The following SUN2 variants were observed in gnomAD, a reference collection of about 807,000 sequenced individuals.
The protein encoded by SUN2 is SUN domain-containing protein 2.
SUN2 carries 60 observed loss-of-function variants against 100.0 expected under a neutral mutation model. The ratio of observed to expected loss-of-function variants is 0.60; its 90% CI spans 0.49 to 0.74. The LOEUF is 0.74. Ranked by LOEUF, SUN2 falls within the 30% of genes least tolerant of loss-of-function variation. SUN2 has a pLI of 0.00. For synonymous variants in SUN2, 367 were observed against 403.3 expected (o/e 0.91, Z 1.08); for missense variants, 834 against 954.6 (o/e 0.87, Z 1.66).
Position 38,751,265 on chromosome 22 carries a change from C to T in SUN2, c.231G>A (p.Glu77=), listed in dbSNP as rs760297349. The change falls in exon 3 of 18, where the codon GAG becomes GAA. Residue 77 remains glutamate, a synonymous_variant. Coordinates refer to ENST00000689035, the MANE Select transcript of SUN2 (RefSeq NM_015374.3). The part of the protein sequence containing the change: ...TSYYSESLVH[E]SWFPPRSSLE... ...GGGAGCTCCTGGGTGGGAACCAGGA[C>T]TCGTGGACCAGCGACTCACTGTAGT... 5.6e-6 allele frequency: 9 copies of T among 1,614,002 alleles called. No homozygotes were observed. The African/African-American group carries it at 6.7e-5, about 12-fold the overall frequency.
At position 38,741,008 on chromosome 22, in the gene SUN2, T is replaced by G; in HGVS notation, c.1189A>C (p.Ser397Arg). 1 of 1,593,986 alleles carries G rather than the reference T, an allele frequency of 6.3e-7. No individual in the cohort carries two copies. The highest frequency in any genetic ancestry group is 8.5e-7 in the Non-Finnish European group (1 of 1,170,278). ...RIQQLKSEWQ[S>R]MTQESFQESS... ...AGGCCAGCTGGTGGCGCCCAGTACCTTTGCCACTCTGACTTCAGCTGCTGG... is the reference window on the plus strand; with the variant it reads ...AGGCCAGCTGGTGGCGCCCAGTACCGTTGCCACTCTGACTTCAGCTGCTGG... Residue 397 changes from serine (S) to arginine (R), a missense_variant and splice_region_variant, in exon 11 of 18, where the codon AGC becomes CGC. Physicochemically the swap from Ser to Arg is moderately radical, Grantham distance 110. Around this residue, in one of 3 missense-constraint regions of SUN2, gnomAD observed 559 missense variants for 597.7 expected, o/e 0.94. Coordinates refer to ENST00000689035, the MANE Select transcript of SUN2 (RefSeq NM_015374.3).
At position 38,737,138 on chromosome 22, in the gene SUN2, C is replaced by T. The variant is rs929951512; in HGVS notation, c.2041-758G>A. ...CTGGAATTACAGACATGAGCCACCT[C>T]GTCTGGCCTCTATACTTTCCTAAAG... On this transcript the variant is annotated intron_variant, in intron 17 of 17. Transcript: ENST00000689035. This position sits in a 1 kb window ranked among gnomAD's most constrained non-coding sequence, Gnocchi z 4.1. Among the ~76,000 whole-genome samples, 1 of 152,210 alleles carries T rather than the reference C, an allele frequency of 6.6e-6. No homozygotes were observed. The highest frequency in any genetic ancestry group is 6.5e-5 in the Admixed American group (1 of 15,280).
At chr22:38,751,529 T>C in intron 2 of SUN2, 156 bp from the exon 3 acceptor site, 1 of 701,226 alleles carries the variant, frequency 1.4e-6, no homozygotes, top group South Asian at 1.8e-5. Context: ...ACTCTCCCAA[T>C]GCTGGCACGT....
rs2092832434 is a variant in SUN2 at position 38,739,110 on chromosome 22, C to T, written c.1664-122G>A. 9.5e-7 allele frequency: 1 copy of T among 1,053,432 alleles called. No homozygotes were observed. Among genetic ancestry groups the T allele is most frequent in the Non-Finnish European group, 1.4e-6 (1 of 702,836 alleles). The allele number at this position is 1,053,432 out of a possible 1,614,324, so 65.3% of individuals were successfully genotyped here. A position where few individuals can be genotyped will look rare whatever the true frequency, so the allele number is the denominator to read the frequency against. On this transcript the variant is annotated intron_variant, in intron 14 of 17. Transcript: ENST00000689035. This position sits in a 1 kb window ranked among gnomAD's most constrained non-coding sequence, Gnocchi z 6.7. ...CCCCAGGCCTAGCCTTTAACCCTAA[C>T]CGAGATGCTCAGAGCAGCTTTAAAG...
At position 38,740,317 on chromosome 22, in the gene SUN2, C is replaced by A; in HGVS notation, c.1306G>T (p.Ala436Ser). ...AALALKQSSV[A>S]EEVGLLPQQI... The stretch of plus-strand genomic sequence containing the variant: ...TGGGGCAGCAGGCCCACTTCTTCCG[C>A]CACCGAGCTCTGCTTCAGTGCCAGA... The change falls in exon 12 of 18, where the codon GCG becomes TCG. Residue 436 changes from alanine (A) to serine (S), a missense_variant. Transcript: ENST00000689035. The surrounding 1 kb of genome is among the most constrained non-coding windows in gnomAD (Gnocchi z 4.8). 2 of 1,603,706 alleles carry A rather than the reference C, an allele frequency of 1.2e-6. No individual in the cohort carries two copies. The highest frequency in any genetic ancestry group is 8.5e-7 in the Non-Finnish European group (1 of 1,176,030).
chr22:38,751,457 C>T, intron 2 of SUN2, 84 bp from the exon 3 acceptor site: 1 of 1,514,944 alleles, frequency 6.6e-7, no homozygotes, highest in Non-Finnish European at 9.0e-7. Context: ...AGCCTGCGGC[C>T]CTGCCTAGTG....
In SUN2 at chr22:38,755,593, G is replaced by C. The variant is rs1302053009; in HGVS notation, c.-38+170C>G. ...GCAGGCGGGGCGGGGGCCAGGAGGT[G>C]AGTCAGGGCGCGGGCCGCGGACCCG... On this transcript the variant is annotated intron_variant, in intron 1 of 17. Transcript: ENST00000689035. This position sits in a 1 kb window ranked among gnomAD's most constrained non-coding sequence, Gnocchi z 5.7. 41 of 938,536 alleles carry C rather than the reference G, an allele frequency of 4.4e-5. No individual in the cohort carries two copies. The highest frequency in any genetic ancestry group is 5.0e-5 in the Non-Finnish European group (39 of 787,056). 58.1% of individuals were successfully genotyped at this position (938,536 alleles called of 1,614,324 possible).
rs1353077332 is a variant in SUN2 at position 38,735,317 on chromosome 22, TGTG to T, written c.*947_*949del. On this transcript the variant is annotated 3_prime_UTR_variant, in exon 18 of 18. Coordinates refer to ENST00000689035, the MANE Select transcript of SUN2 (RefSeq NM_015374.3). ...ACCCCTACATCAGGGCCTGGTTAGA[TGTG>T]GGGGCCGGTGCAGACAGACCTCGCA... 1.6e-5 allele frequency: 7 copies of T among 443,972 alleles called. No individual in the cohort carries two copies. Among genetic ancestry groups the T allele is most frequent in the Admixed American group, 1.5e-4 (6 of 39,410 alleles). The allele number at this position is 443,972 out of a possible 1,614,324, so 27.5% of individuals were successfully genotyped here.
Position 38,755,755 on chromosome 22 carries a change from G to T in SUN2, c.-38+8C>A, listed in dbSNP as rs910073660. The stretch of plus-strand genomic sequence containing the variant: ...CCCCAACCCTCTCCTGAGCTCGCCC[G>T]CACTCACCTGCTGCCGCGGCGGCTT... On this transcript the variant is annotated splice_region_variant and intron_variant, in intron 1 of 17. Transcript: ENST00000689035. The surrounding 1 kb of genome is among the most constrained non-coding windows in gnomAD (Gnocchi z 5.7). The T allele has an allele frequency of 1.0e-5, 10 of 984,774 alleles. No individual in the cohort carries two copies. Among genetic ancestry groups the T allele is most frequent in the Non-Finnish European group, 1.1e-5 (9 of 829,748 alleles). The allele number at this position is 984,774 out of a possible 1,614,324, so 61.0% of individuals were successfully genotyped here. A position where few individuals can be genotyped will look rare whatever the true frequency, so the allele number is the denominator to read the frequency against.
chr22:38,735,481 C>G lies in SUN2; in HGVS notation c.*786G>C, dbSNP rs1346460385. The stretch of plus-strand genomic sequence containing the variant: ...CCTGGGAGAATGTGGAAAGCAAGCT[C>G]AGGGGCACTGGCAGGCCCTAGCAGG... On this transcript the variant is annotated 3_prime_UTR_variant, in exon 18 of 18. Coordinates refer to ENST00000689035, the MANE Select transcript of SUN2 (RefSeq NM_015374.3). 1 of 294,418 alleles carries G rather than the reference C, an allele frequency of 3.4e-6. No individual in the cohort carries two copies. The highest frequency in any genetic ancestry group is 6.7e-6 in the Non-Finnish European group (1 of 148,580). 18.2% of individuals were successfully genotyped at this position (294,418 alleles called of 1,614,324 possible). A position where few individuals can be genotyped will look rare whatever the true frequency, so the allele number is the denominator to read the frequency against.
chr22:38,751,832 G>T (rs898592724), intron 2 of SUN2, among the ~76,000 whole-genome samples: 30 of 152,322 alleles, frequency 2.0e-4, no homozygotes, highest in Non-Finnish European at 2.9e-5. Flanking sequence ...ACATGCAGGC[G>T]TGGGGCCAGG....
In SUN2 at chr22:38,755,635, G is replaced by A; in HGVS notation, c.-38+128C>T. On this transcript the variant is annotated intron_variant, in intron 1 of 17. Coordinates refer to ENST00000689035, the MANE Select transcript of SUN2 (RefSeq NM_015374.3). This position sits in a 1 kb window ranked among gnomAD's most constrained non-coding sequence, Gnocchi z 5.7. ...GCGGACCCGGGTGGAGGCTGGATCC[G>A]GCCCAGCACGTCCCGGAGAGGAGGA... 1 of 955,636 alleles carries A rather than the reference G, an allele frequency of 1.0e-6. No homozygotes were observed. Among genetic ancestry groups the A allele is most frequent in the Non-Finnish European group, 1.2e-6 (1 of 802,596 alleles). 59.2% of individuals were successfully genotyped at this position (955,636 alleles called of 1,614,324 possible).
chr22:38,737,627 C>T lies in SUN2; in HGVS notation c.2040+546G>A. On this transcript the variant is annotated intron_variant, in intron 17 of 17. Coordinates refer to ENST00000689035, the MANE Select transcript of SUN2 (RefSeq NM_015374.3). This position sits in a 1 kb window ranked among gnomAD's most constrained non-coding sequence, Gnocchi z 4.1. The stretch of plus-strand genomic sequence containing the variant: ...CGTCCACCTCCCACTATCCCGCCAA[C>T]CCAATTCCTCACTCCAGGACTCCCC... 3.2e-6 allele frequency: 1 copy of T among 313,032 alleles called. No individual in the cohort carries two copies. Among genetic ancestry groups the T allele is most frequent in the East Asian group, 8.9e-5 (1 of 11,278 alleles). The allele number at this position is 313,032 out of a possible 1,614,324, so 19.4% of individuals were successfully genotyped here. A position where few individuals can be genotyped will look rare whatever the true frequency, so the allele number is the denominator to read the frequency against.
rs945628883 is a variant in SUN2 at position 38,737,844 on chromosome 22, G to A, written c.2040+329C>T. 28 of 530,598 alleles carry A rather than the reference G, an allele frequency of 5.3e-5. No individual in the cohort carries two copies. Among genetic ancestry groups the A allele is most frequent in the South Asian group, 1.4e-4 (9 of 64,136 alleles). The allele number at this position is 530,598 out of a possible 1,614,324, so 32.9% of individuals were successfully genotyped here. ...CAGCTGGCCATGGTAGAATGCCCGC[G>A]CCCTGGCATGTGCTGGCGGCGGCTC... On this transcript the variant is annotated intron_variant, in intron 17 of 17. Coordinates refer to ENST00000689035, the MANE Select transcript of SUN2 (RefSeq NM_015374.3). The surrounding 1 kb of genome is among the most constrained non-coding windows in gnomAD (Gnocchi z 4.1).
At position 38,750,281 on chromosome 22, in the gene SUN2, A is replaced by C. The variant is rs775513310; in HGVS notation, c.464T>G (p.Leu155Arg). Residue 155 changes from leucine (L) to arginine (R), a missense_variant, in exon 5 of 18, where the codon CTC (leucine) becomes CGC (arginine). Leu to Arg is a moderately radical substitution (Grantham distance 102, BLOSUM62 -2). Around this residue, in one of 3 missense-constraint regions of SUN2, gnomAD observed 559 missense variants for 597.7 expected, o/e 0.94. Transcript: ENST00000689035. ...DVDQQSSSSRLRSAVSRAGSL... is the reference protein window; with the variant it reads ...DVDQQSSSSRRRSAVSRAGSL... ...GCCCGCCCGTGAGACGGCGCTTCGG[A>C]GCCGCGAGCTGGAACTCTGCTGGTC... 1 of 1,613,836 alleles carries C rather than the reference A, an allele frequency of 6.2e-7. No individual in the cohort carries two copies. The highest frequency in any genetic ancestry group is 8.5e-7 in the Non-Finnish European group (1 of 1,179,948).
Position 38,736,108 on chromosome 22 carries a change from C to G in SUN2, c.*159G>C, listed in dbSNP as rs758732189. 1.4e-6 allele frequency: 1 copy of G among 732,250 alleles called. No homozygotes were observed. The highest frequency in any genetic ancestry group is 1.5e-5 in the South Asian group (1 of 65,238). 45.4% of individuals were successfully genotyped at this position (732,250 alleles called of 1,614,324 possible). A position where few individuals can be genotyped will look rare whatever the true frequency, so the allele number is the denominator to read the frequency against. ...CCTGCTAACCGCCTCGAGCCACCTG[C>G]TGCTCAGGAGACCCTGCCCGTCCTT... On this transcript the variant is annotated 3_prime_UTR_variant, in exon 18 of 18. Coordinates refer to ENST00000689035, the MANE Select transcript of SUN2 (RefSeq NM_015374.3).
In SUN2 at chr22:38,742,534, G is replaced by A. The variant is rs1187777425; in HGVS notation, c.835C>T (p.Arg279Trp). The stretch of plus-strand genomic sequence containing the variant: ...AGACGCCGCTCCAGAGAGTGTACCC[G>A]GGACATAACACGCTGCTCAGCCTGG... ...HFQAEQRVMS[R>W]VHSLERRLEA... is the part of the protein sequence containing the mutation. Residue 279 changes from arginine (R) to tryptophan (W), a missense_variant, in exon 9 of 18, where the codon CGG becomes TGG. This residue lies in a region of SUN2 where 559 missense variants were observed against 597.7 expected (regional missense o/e 0.94). Coordinates refer to ENST00000689035, the MANE Select transcript of SUN2 (RefSeq NM_015374.3). The A allele has an allele frequency of 3.7e-6, 6 of 1,612,436 alleles. No individual in the cohort carries two copies. The highest frequency in any genetic ancestry group is 1.1e-5 in the South Asian group (1 of 91,046).
chr22:38,753,837 G>A (rs1350327305), intron 1 of SUN2, among the ~76,000 whole-genome samples: 3 of 152,190 alleles, frequency 2.0e-5, no homozygotes, highest in Non-Finnish European at 4.4e-5. Context: ...GCTCAGCTCT[G>A]ACAGGCTGTA....
intron 8 of SUN2, chr22:38,745,237 T>TGGCCCCCAGCTGACCCCCCCAGCC: frequency 2.1e-6 from 1 of 468,414 alleles, no homozygotes; most frequent in Non-Finnish European, 4.4e-6. Flanking sequence ...CTTGACCAGC[T>TGGCCCCCAGCTGACCCCCCCAGCC]GGCCCCCAGC....
Sources: gnomAD v4.1 joint callset for allele counts (sites outside exome capture counted in the v4.1 genomes callset) on GRCh38, gnomAD v4.1.1 for gene constraint, gnomAD v4.1.1 regional missense constraint, Gnocchi (gnomAD v3.1) non-coding constraint, MANE v1.5 for transcripts, NCBI Gene and HGNC (gene_info 2026-07-23, HGNC 2026-07-21) for gene names.